Variants in OCA2 observed in about 807,000 individuals in gnomAD.
OCA2 encodes OCA2 melanosomal transmembrane protein.
Under a neutral mutation model 100.2 loss-of-function variants are expected in OCA2, and 77 were observed. That is an observed-to-expected ratio of 0.77 (90% confidence interval 0.64 to 0.93). OCA2 has a LOEUF of 0.93. OCA2 is among the 40% of genes least tolerant of loss of function. The probability of loss-of-function intolerance (pLI) is 0.00; values close to 1 mark genes in which losing one functional copy is unlikely to be tolerated. For synonymous variants in OCA2, 432 were observed against 439.2 expected, an observed-to-expected ratio of 0.98 and a Z score of 0.21; for missense variants, 1,062 against 1,089.1, an observed-to-expected ratio of 0.98 and a Z score of 0.35.
At chr15:28,055,845 C>A (rs908918924) in intron 2 of OCA2, among the ~76,000 whole-genome samples, 1 of 152,186 alleles carries the variant, frequency 6.6e-6, no homozygotes, top group Non-Finnish European at 1.5e-5. Flanking sequence ...AGCTGGGAAC[C>A]CCAGCTGACC....
chr15:27,876,285 A>G (rs977395106), intron 19 of OCA2, among the ~76,000 whole-genome samples: 9 of 152,096 alleles, frequency 5.9e-5, no homozygotes, highest in African/African-American at 1.9e-4. Flanking sequence ...TGAATGTTAA[A>G]TCAACCTTGG....
At chr15:27,913,252 T>A (rs1402415328) in intron 19 of OCA2, among the ~76,000 whole-genome samples, 2 of 152,182 alleles carry the variant, frequency 1.3e-5, no homozygotes, top group Non-Finnish European at 2.9e-5. Flanking sequence ...GTATAATTTT[T>A]AACTTAGGGG....
At chr15:27,972,483 C>T (rs1204273131) in intron 14 of OCA2, among the ~76,000 whole-genome samples, 1 of 152,176 alleles carries the variant, frequency 6.6e-6, no homozygotes, top group Admixed American at 6.5e-5. Flanking sequence ...ATAAGCATTC[C>T]CTTTTTACCA....
At chr15:27,903,501 T>G (rs868378383) in intron 19 of OCA2, among the ~76,000 whole-genome samples, 7 of 152,316 alleles carry the variant, frequency 4.6e-5, no homozygotes, top group South Asian at 4.1e-4. Context: ...TGTTGTTGTT[T>G]TGTTGAGATG....
At chr15:27,866,703 G>C (rs2036338244) in intron 21 of OCA2, among the ~76,000 whole-genome samples, 2 of 152,210 alleles carry the variant, frequency 1.3e-5, no homozygotes, top group Non-Finnish European at 2.9e-5. Flanking sequence ...GGGCAAGCGA[G>C]GCTCTGCACC....
At chr15:27,899,927 T>C (rs978866629) in intron 19 of OCA2, among the ~76,000 whole-genome samples, 1 of 152,108 alleles carries the variant, frequency 6.6e-6, no homozygotes, top group African/African-American at 2.4e-5. Flanking sequence ...ACTTCAGCAA[T>C]TTTTGCCCCC....
intron 13 of OCA2, 150 bp downstream of exon 13, chr15:27,984,914 C>G: frequency 1.1e-6 from 1 of 902,390 alleles, no homozygotes; most frequent in Non-Finnish European, 1.8e-6. Flanking sequence ...AAAGCAGACA[C>G]GAGCTGGACT....
At chr15:28,065,477 A>G (rs1187023125) in intron 2 of OCA2, among the ~76,000 whole-genome samples, 1 of 152,154 alleles carries the variant, frequency 6.6e-6, no homozygotes, top group Non-Finnish European at 1.5e-5. Flanking sequence ...GTTAGGCAAA[A>G]CAGAGCTCAG....
intron 2 of OCA2, among the ~76,000 whole-genome samples, chr15:28,072,573 G>C (rs1237292162): frequency 7.9e-6 from 1 of 126,546 alleles, no homozygotes. Flanking sequence ...CTGGGCGACA[G>C]AGCAAGATTC....
chr15:27,999,820 T>G (rs555420668), intron 9 of OCA2, among the ~76,000 whole-genome samples: 99 of 152,304 alleles, frequency 6.5e-4, no homozygotes, highest in African/African-American at 2.3e-3. Context: ...TACTTCAATA[T>G]GCTAACAATG....
chr15:27,897,806 C>T (rs2037768796), intron 19 of OCA2, among the ~76,000 whole-genome samples: 1 of 152,186 alleles, frequency 6.6e-6, no homozygotes, highest in Admixed American at 6.5e-5. Flanking sequence ...AGACACTCAA[C>T]ACTCAACCAG....
At chr15:27,966,025 C>T (rs1187747122) in intron 15 of OCA2, among the ~76,000 whole-genome samples, 4 of 152,200 alleles carry the variant, frequency 2.6e-5, no homozygotes, top group Non-Finnish European at 5.9e-5. Flanking sequence ...GGCTGGAGTG[C>T]AGTGGCACGA....
the OCA2 span, among the ~76,000 whole-genome samples, chr15:27,738,506 C>G: frequency 6.6e-6 from 1 of 152,110 alleles, no homozygotes; most frequent in African/African-American, 2.4e-5. Flanking sequence ...GAGGCCGAGG[C>G]GGGCAGATCA....
intron 9 of OCA2, among the ~76,000 whole-genome samples, chr15:27,991,393 C>T (rs913558049): frequency 7.2e-5 from 11 of 152,182 alleles, no homozygotes; most frequent in Middle Eastern, 3.4e-3. Context: ...AATGTCCATC[C>T]GTGGTGAAGG....
rs963600937 is a variant in OCA2, at chr15:27,761,355, A to G, written c.2433-5883T>C. Among the ~76,000 whole-genome samples, 4 of 152,198 alleles carry G rather than the reference A, an allele frequency of 2.6e-5. No individual in the cohort carries two copies. The East Asian group carries it at 7.7e-4, about 29-fold the overall frequency. On this transcript the variant is annotated intron_variant, in intron 23 of 23. Transcript: ENST00000354638. ...ATACCACTTAAAATCACTCCAATTA[A>G]AATTAAACACTTAGGCATAAACTTA...
intron 18 of OCA2, among the ~76,000 whole-genome samples, chr15:27,932,978 A>G (rs1595673111): frequency 1.7e-5 from 1 of 57,488 alleles, no homozygotes; most frequent in Non-Finnish European, 3.3e-5. Flanking sequence ...CAAGGCATAG[A>G]AAAAAAAAAC....
At chr15:27,752,045 G>C (rs932636905), downstream of OCA2, among the ~76,000 whole-genome samples, 8 of 152,236 alleles carry the variant, frequency 5.3e-5, no homozygotes, top group African/African-American at 1.9e-4. Context: ...CACTGCAGGA[G>C]GAAGTGGCTC....
chr15:28,080,703 C>T (rs1450427753), intron 2 of OCA2, among the ~76,000 whole-genome samples: 1 of 152,218 alleles, frequency 6.6e-6, no homozygotes, highest in Non-Finnish European at 1.5e-5. Context: ...GGGGTCGGAG[C>T]TCTGGCTGTG....
chr15:27,746,353 C>G, the OCA2 span, among the ~76,000 whole-genome samples: 1 of 151,942 alleles, frequency 6.6e-6, no homozygotes, highest in Non-Finnish European at 1.5e-5. Context: ...CCCAGCTACT[C>G]GGGAGGCTGA....
Sources: gnomAD v4.1 joint callset for allele counts (sites outside exome capture counted in the v4.1 genomes callset) on GRCh38, gnomAD v4.1.1 for gene constraint, MANE v1.5 for transcripts, NCBI Gene and HGNC (gene_info 2026-07-23, HGNC 2026-07-21) for gene names.